NLGN1: variants seen among roughly 807,000 people sequenced by gnomAD.
The protein encoded by NLGN1 is neuroligin-1.
NLGN1 carries 12 observed loss-of-function variants against 65.5 expected under a neutral mutation model. The ratio of observed to expected loss-of-function variants is 0.18; its 90% confidence interval spans 0.12 to 0.30. The LOEUF (loss-of-function observed/expected upper bound fraction) is 0.30, where lower values mean the gene tolerates loss of function less well. Ranked by LOEUF, NLGN1 falls within the 10% of genes least tolerant of loss-of-function variation. The pLI, the probability that NLGN1 is intolerant of heterozygous loss-of-function variation, is 1.00. For synonymous variants in NLGN1, 350 were observed against 359.5 expected, an observed-to-expected ratio of 0.97 and a Z score of 0.30; for missense variants, 750 against 1,007.1, an observed-to-expected ratio of 0.74 and a Z score of 3.46.
intron 3 of NLGN1, among the ~76,000 whole-genome samples, chr3:173,634,914 G>A (rs894926654): frequency 6.6e-6 from 1 of 152,120 alleles, no homozygotes; most frequent in African/African-American, 2.4e-5. Context: ...GGACCTCTAA[G>A]TAGGCGTGTA....
chr3:174,038,977 C>T (rs1731700117), intron 4 of NLGN1, among the ~76,000 whole-genome samples: 1 of 152,158 alleles, frequency 6.6e-6, no homozygotes, highest in Admixed American at 6.6e-5. Flanking sequence ...ACATAACTCC[C>T]AGGGAAAGAA....
chr3:173,899,469 A>T (rs919843177), intron 4 of NLGN1, among the ~76,000 whole-genome samples: 2 of 152,146 alleles, frequency 1.3e-5, no homozygotes, highest in African/African-American at 4.8e-5. Flanking sequence ...AAATGAGTCT[A>T]GCTAGATTAA....
rs1181598378 is a variant in NLGN1, at chr3:174,280,704, A to G, written c.1873A>G (p.Thr625Ala). The G allele has an allele frequency of 6.2e-7, 1 of 1,613,396 alleles. No homozygotes were observed. Among genetic ancestry groups the G allele is most frequent in the Admixed American group, 1.7e-5 (1 of 59,914 alleles). The stretch of plus-strand genomic sequence containing the variant: ...CAATGACATTTCTCAGTATACCTCT[A>G]CAACAACTAAAGTGCCATCAACTGA... The change falls in exon 7 of 7, where the codon ACA becomes GCA. Residue 625 changes from threonine (T) to alanine (A), a missense_variant. Thr to Ala is a moderately conservative substitution (Grantham distance 58, BLOSUM62 0). Transcript: ENST00000457714. The surrounding 1 kb of genome is among the most constrained non-coding windows in gnomAD (Gnocchi z 4.9).
chr3:173,635,724 TA>T (rs1337108276), intron 3 of NLGN1, among the ~76,000 whole-genome samples: 6 of 152,166 alleles, frequency 3.9e-5, no homozygotes, highest in African/African-American at 1.4e-4. Context: ...TGTTATTAAT[TA>T]GAGGCATATT....
intron 4 of NLGN1, among the ~76,000 whole-genome samples, chr3:174,237,512 A>C (rs1561359279): frequency 6.6e-6 from 1 of 152,126 alleles, no homozygotes; most frequent in African/African-American, 2.4e-5. Flanking sequence ...GCATATCTGA[A>C]GTTAGCATTC....
At chr3:173,443,346 A>G (rs906658644) in intron 2 of NLGN1, among the ~76,000 whole-genome samples, 2 of 148,746 alleles carry the variant, frequency 1.3e-5, no homozygotes, top group South Asian at 2.1e-4. Flanking sequence ...CTATGACTAT[A>G]TATATAGTCA....
intron 4 of NLGN1, among the ~76,000 whole-genome samples, chr3:174,067,373 T>C (rs1738858962): frequency 6.6e-6 from 1 of 152,190 alleles, no homozygotes; most frequent in Non-Finnish European, 1.5e-5. Flanking sequence ...CTACCAACTA[T>C]TTAGAAATAG....
At position 174,113,306 on chromosome 3, in the gene NLGN1, C is replaced by G. The variant is rs186080247; in HGVS notation, c.647-162009C>G. On this transcript the variant is annotated intron_variant, in intron 4 of 6. Transcript: ENST00000457714. The stretch of plus-strand genomic sequence containing the variant: ...TTTCAAAGTTTGATCTTCAAGAAAT[C>G]AAACAATAACCTAACAGTGATTTTG... Among the ~76,000 whole-genome samples, 10 of 151,906 alleles carry G rather than the reference C, an allele frequency of 6.6e-5. No individual in the cohort carries two copies. In the East Asian group the frequency reaches 1.9e-3, roughly 29 times the overall value.
chr3:173,412,842 T>A (rs1319517146), intron 1 of NLGN1, among the ~76,000 whole-genome samples: 1 of 152,206 alleles, frequency 6.6e-6, no homozygotes, highest in African/African-American at 2.4e-5. Context: ...ATGATCTCCT[T>A]TGGCTCTGTA....
At chr3:173,853,745 T>A (rs1485247591) in intron 4 of NLGN1, among the ~76,000 whole-genome samples, 4 of 152,160 alleles carry the variant, frequency 2.6e-5, no homozygotes, top group African/African-American at 9.6e-5. Context: ...ATGTATAAGC[T>A]TCACATTTTC....
chr3:173,836,216 T>G (rs1723602968), intron 4 of NLGN1, among the ~76,000 whole-genome samples: 2 of 152,182 alleles, frequency 1.3e-5, no homozygotes, highest in African/African-American at 2.4e-5. Flanking sequence ...TGATGCCTAG[T>G]ATATCAAATA....
intron 1 of NLGN1, among the ~76,000 whole-genome samples, chr3:173,402,556 A>T (rs575255460): frequency 6.6e-6 from 1 of 152,226 alleles, no homozygotes; most frequent in African/African-American, 2.4e-5. Context: ...AGGGTTGACT[A>T]ACTTAGGAGT....
intron 4 of NLGN1, among the ~76,000 whole-genome samples, chr3:174,087,241 A>G (rs1387224329): frequency 2.6e-5 from 4 of 152,176 alleles, no homozygotes; most frequent in Non-Finnish European, 5.9e-5. Context: ...GATTATCCAT[A>G]TAACAAACCT....
At chr3:173,902,389 A>G (rs1352360367) in intron 4 of NLGN1, among the ~76,000 whole-genome samples, 1 of 152,170 alleles carries the variant, frequency 6.6e-6, no homozygotes, top group East Asian at 1.9e-4. Flanking sequence ...TGTTTGAAAC[A>G]GAAAATATGA....
At chr3:173,605,512 T>C in intron 3 of NLGN1, 22 bp from the exon 3 acceptor site, 4 of 1,254,332 alleles carry the variant, frequency 3.2e-6, no homozygotes, top group Non-Finnish European at 4.2e-6. Context: ...TGTTATTTTC[T>C]AGTCTTCTAT....
At chr3:174,278,509 G>A (rs888104149) in intron 5 of NLGN1, among the ~76,000 whole-genome samples, 2 of 151,890 alleles carry the variant, frequency 1.3e-5, no homozygotes, top group Admixed American at 1.3e-4. Context: ...GGAGAAGATT[G>A]GCCCCATCTG....
At chr3:173,974,701 A>G (rs1717038895) in intron 4 of NLGN1, among the ~76,000 whole-genome samples, 1 of 152,086 alleles carries the variant, frequency 6.6e-6, no homozygotes, top group Non-Finnish European at 1.5e-5. Flanking sequence ...TTAAGTTTGA[A>G]GAATTTGTTA....
intron 2 of NLGN1, among the ~76,000 whole-genome samples, chr3:173,481,804 C>T (rs1406003132): frequency 6.6e-6 from 1 of 151,716 alleles, no homozygotes; most frequent in East Asian, 1.9e-4. Flanking sequence ...GCATTCTTAC[C>T]AGCAGAGTGT....
At chr3:174,158,996 G>T (rs1175839783) in intron 4 of NLGN1, among the ~76,000 whole-genome samples, 5 of 151,404 alleles carry the variant, frequency 3.3e-5, no homozygotes, top group Non-Finnish European at 7.4e-5. Context: ...TCTTCGAGAT[G>T]TACAAAATGA....
Sources: gnomAD v4.1 joint callset for allele counts (sites outside exome capture counted in the v4.1 genomes callset) on GRCh38, gnomAD v4.1.1 for gene constraint, Gnocchi (gnomAD v3.1) non-coding constraint, MANE v1.5 for transcripts, NCBI Gene and HGNC (gene_info 2026-07-23, HGNC 2026-07-21) for gene names.